Variants in RASA3 observed in about 807,000 individuals in gnomAD.
The protein encoded by RASA3 is RAS p21 protein activator 3.
In RASA3, 73 loss-of-function variants were observed where a neutral mutation model predicts 110.0. The observed-to-expected ratio is 0.66, with a 90% CI of 0.55 to 0.81. The LOEUF is 0.81. Ranked by LOEUF, RASA3 falls within the 30% of genes least tolerant of loss-of-function variation. The probability of loss-of-function intolerance (pLI) is 0.00; values close to 1 mark genes in which losing one functional copy is unlikely to be tolerated. For missense variants in RASA3, 976 were observed against 1,113.2 expected (o/e 0.88, Z 1.75); for synonymous variants, 500 against 451.4 (o/e 1.11, Z -1.37).
At position 114,024,313 on chromosome 13, in the gene RASA3, A is replaced by G; in HGVS notation, c.646T>C (p.Phe216Leu). 2 of 1,613,910 alleles carry G rather than the reference A, an allele frequency of 1.2e-6. No homozygotes were observed. The highest frequency in any genetic ancestry group is 1.7e-6 in the Non-Finnish European group (2 of 1,179,900). ...CSYSKKSHFD[F>L]EEEDVDKLEI... The stretch of plus-strand genomic sequence containing the variant: ...AGCTTGTCCACGTCTTCCTCCTCAA[A>G]GTCAAAGTGGGACTTCTTGCTGTAG... Residue 216 changes from phenylalanine (F) to leucine (L), a missense_variant, in exon 8 of 24, where the codon TTT becomes CTT. Around this residue, in one of 4 missense-constraint regions of RASA3, gnomAD observed 732 missense variants for 779.7 expected, o/e 0.94. Transcript: ENST00000334062.
At chr13:114,016,858 G>A (rs912425702) in intron 12 of RASA3, among the ~76,000 whole-genome samples, 23 of 152,144 alleles carry the variant, frequency 1.5e-4, no homozygotes, top group Non-Finnish European at 3.1e-4. Flanking sequence ...GTGGGTGTGC[G>A]GGCATCAGAG....
chr13:114,065,763 A>G lies in RASA3; in HGVS notation c.173+7957T>C, dbSNP rs1410933427. On this transcript the variant is annotated intron_variant, in intron 2 of 23. Coordinates refer to ENST00000334062, the MANE Select transcript of RASA3 (RefSeq NM_007368.4). This position sits in a 1 kb window ranked among gnomAD's most constrained non-coding sequence, Gnocchi z 4.1. ...GGCTGGAGGGCAGGGGTCCGTGGTC[A>G]GCTCACAGCCCACTCACCACCCAGC... 6.6e-6 allele frequency among the ~76,000 whole-genome samples: 1 copy of G among 152,186 alleles called. No homozygotes were observed. The highest frequency in any genetic ancestry group is 1.5e-5 in the Non-Finnish European group (1 of 68,018).
Position 114,112,918 on chromosome 13 carries a change from G to A in RASA3, c.55+19517C>T, listed in dbSNP as rs551213501. ...CAGCAGGGGGCTGGGAAGGTGCTTA[G>A]CTCAGGGAGGGCTGGAGGGTGGGAC... On this transcript the variant is annotated intron_variant, in intron 1 of 23. Transcript: ENST00000334062. The surrounding 1 kb of genome is among the most constrained non-coding windows in gnomAD (Gnocchi z 4.8). 7.2e-5 allele frequency among the ~76,000 whole-genome samples: 11 copies of A among 152,282 alleles called. No homozygotes were observed. In the East Asian group the frequency reaches 2.1e-3, roughly 30 times the overall value.
Position 114,024,335 on chromosome 13 carries a change from G to A in RASA3, c.624C>T (p.Tyr208=). 1 of 1,613,898 alleles carries A rather than the reference G, an allele frequency of 6.2e-7. No homozygotes were observed. The highest frequency in any genetic ancestry group is 2.2e-5 in the East Asian group (1 of 44,876). Residue 208 remains tyrosine, a synonymous_variant, in exon 8 of 24, where the codon TAC becomes TAT. Transcript: ENST00000334062. ...CAAAGTCAAAGTGGGACTTCTTGCT[G>A]TAGCTACAGGGCCGGGTCACCTGGA... ...FYFEVTRPCS[Y]SKKSHFDFEE... is the part of the protein sequence containing the mutation.
Position 114,057,475 on chromosome 13 carries a change from C to A in RASA3, c.174-5320G>T. 1.0e-6 allele frequency: 1 copy of A among 985,428 alleles called. No homozygotes were observed. Among genetic ancestry groups the A allele is most frequent in the Non-Finnish European group, 1.2e-6 (1 of 829,928 alleles). 61.0% of individuals were successfully genotyped at this position (985,428 alleles called of 1,614,324 possible). ...TTTCAAGGAAAGCTGGAGCCAGTCT[C>A]TGTGCCAGAATAGAGGGTTCGTTCA... is the stretch of plus-strand genomic sequence containing the variant. On this transcript the variant is annotated intron_variant, in intron 2 of 23. Coordinates refer to ENST00000334062, the MANE Select transcript of RASA3 (RefSeq NM_007368.4). The surrounding 1 kb of genome is among the most constrained non-coding windows in gnomAD (Gnocchi z 5.0).
At chr13:114,058,912 T>C (rs1251643510) in intron 2 of RASA3, among the ~76,000 whole-genome samples, 1 of 152,208 alleles carries the variant, frequency 6.6e-6, no homozygotes, top group Non-Finnish European at 1.5e-5. Flanking sequence ...AATACCTGCA[T>C]CCAGGCCAGA....
chr13:114,004,518 C>G (rs901065926), intron 18 of RASA3, among the ~76,000 whole-genome samples: 10 of 152,148 alleles, frequency 6.6e-5, no homozygotes, highest in Non-Finnish European at 1.3e-4. Flanking sequence ...GCCTGTGACC[C>G]CACCTCACGC....
chr13:114,016,369 G>A, intron 12 of RASA3, 98 bp from the exon 13 acceptor site: 1 of 932,090 alleles, frequency 1.1e-6, no homozygotes, highest in Non-Finnish European at 1.7e-6. Flanking sequence ...TGTAGACCCT[G>A]AGCCTCATCC....
chr13:114,132,400 G>A (rs1460312839), intron 1 of RASA3, 35 bp downstream of exon 1: 12 of 1,495,310 alleles, frequency 8.0e-6, no homozygotes, highest in Non-Finnish European at 9.8e-6. Context: ...GGTCGGGCCG[G>A]GGGGTCGGAC....
chr13:114,059,842 C>T (rs1566538556), intron 2 of RASA3, among the ~76,000 whole-genome samples: 2 of 152,260 alleles, frequency 1.3e-5, no homozygotes, highest in African/African-American at 2.4e-5. Flanking sequence ...TTCAGCTGCC[C>T]ATCCCCGTTC....
intron 21 of RASA3, among the ~76,000 whole-genome samples, chr13:113,992,952 G>T (rs1460799751): frequency 6.6e-6 from 1 of 152,204 alleles, no homozygotes; most frequent in Non-Finnish European, 1.5e-5. Flanking sequence ...ACGCAGTACT[G>T]AGTTATGTCT....
At position 114,016,239 on chromosome 13, in the gene RASA3, G is replaced by T. The variant is rs773186746; in HGVS notation, c.1239C>A (p.Asp413Glu). 6 of 1,602,854 alleles carry T rather than the reference G, an allele frequency of 3.7e-6. No individual in the cohort carries two copies. The highest frequency in any genetic ancestry group is 1.3e-5 in the African/African-American group (1 of 74,732). ...ICQSHKPCEI[D>E]PVKLKDGENL... Reference sequence around the variant, plus strand: ...TTTCTCCGTCTTTCAACTTCACAGGGTCGATTTCACAGGGTTTGTGGCTCT... The same window carrying T: ...TTTCTCCGTCTTTCAACTTCACAGGTTCGATTTCACAGGGTTTGTGGCTCT... Residue 413 changes from aspartate (D) to glutamate (E), a missense_variant, in exon 13 of 24, where the codon GAC (aspartate) becomes GAA (glutamate). By Grantham distance (45) the Asp-to-Glu change is conservative. Around this residue, in one of 4 missense-constraint regions of RASA3, gnomAD observed 732 missense variants for 779.7 expected, o/e 0.94. Transcript: ENST00000334062.
At chr13:113,997,602 G>A (rs1351554203) in intron 20 of RASA3, among the ~76,000 whole-genome samples, 1 of 152,098 alleles carries the variant, frequency 6.6e-6, no homozygotes, top group East Asian at 1.9e-4. Flanking sequence ...GGATTAGAGG[G>A]ACGGGGGTGC....
chr13:114,049,728 T>G (rs1390285843), intron 3 of RASA3, among the ~76,000 whole-genome samples: 1 of 152,222 alleles, frequency 6.6e-6, no homozygotes, highest in African/African-American at 2.4e-5. Context: ...TAATCTGGAT[T>G]CCATGCCTCC....
chr13:114,007,537 C>G lies in RASA3; in HGVS notation c.1738G>C (p.Glu580Gln). 1 of 1,612,700 alleles carries G rather than the reference C, an allele frequency of 6.2e-7. No homozygotes were observed. The highest frequency in any genetic ancestry group is 8.5e-7 in the Non-Finnish European group (1 of 1,179,138). ...KSVEQPIVLK[E>Q]GFMIKRAQGR... ...ACGCCACCTTACCCTCCTTACCCTT[C>G]TTTAAGCACGATGGGCTGCTCAACA... Residue 580 changes from glutamate to glutamine, a missense_variant, in exon 18 of 24, where the codon GAA (glutamate) becomes CAA (glutamine). By Grantham distance (29) the Glu-to-Gln change is conservative. This residue lies in a region of RASA3 where 732 missense variants were observed against 779.7 expected (regional missense o/e 0.94). Coordinates refer to ENST00000334062, the MANE Select transcript of RASA3 (RefSeq NM_007368.4).
At chr13:114,019,501 C>CATTAGCAG (rs2053869182) in intron 9 of RASA3, among the ~76,000 whole-genome samples, 1 of 151,116 alleles carries the variant, frequency 6.6e-6, no homozygotes, top group African/African-American at 2.4e-5. Context: ...GTGTCCGAGG[C>CATTAGCAG]CCCGCCCCCA....
At chr13:114,069,512 G>A (rs1406486920) in intron 2 of RASA3, among the ~76,000 whole-genome samples, 9 of 66,962 alleles carry the variant, frequency 1.3e-4, no homozygotes, top group Non-Finnish European at 2.1e-4. Flanking sequence ...GACTCAGGGG[G>A]CCAGGAGACA....
chr13:114,093,666 CTTT>C (rs1251693321), intron 1 of RASA3, among the ~76,000 whole-genome samples: 1 of 152,090 alleles, frequency 6.6e-6, no homozygotes, highest in Non-Finnish European at 1.5e-5. Flanking sequence ...TCTCAATTCC[CTTT>C]TTAACTCTGA....
intron 2 of RASA3, among the ~76,000 whole-genome samples, chr13:114,054,714 C>T (rs181640943): frequency 2.0e-5 from 3 of 152,382 alleles, no homozygotes; most frequent in African/African-American, 7.2e-5. Flanking sequence ...CATTTACACA[C>T]AAAAGAAACA....
Sources: allele counts gnomAD v4.1 joint callset (sites outside exome capture counted in the v4.1 genomes callset), GRCh38; gene constraint gnomAD v4.1.1; regional missense constraint gnomAD v4.1.1; non-coding constraint Gnocchi (gnomAD v3.1); transcripts MANE v1.5; gene names NCBI Gene and HGNC (gene_info 2026-07-23, HGNC 2026-07-21).